The following SNCG variants were observed in gnomAD, a reference collection of about 807,000 sequenced individuals.
SNCG encodes the protein synuclein gamma.
A neutral mutation model predicts 16.0 loss-of-function variants in SNCG; 13 were observed. That is an observed-to-expected ratio of 0.81 (90% CI 0.53 to 1.29). SNCG has a LOEUF of 1.29. Ranked by LOEUF, SNCG falls within the 50% of genes most tolerant of loss-of-function variation. The pLI is 0.00. For missense variants in SNCG, 154 were observed against 168.5 expected, an observed-to-expected ratio of 0.91 and a Z score of 0.48; for synonymous variants, 66 against 66.3, an observed-to-expected ratio of 1.00 and a Z score of 0.02.
At position 86,958,886 on chromosome 10, in the gene SNCG, G is replaced by C; in HGVS notation, c.121+68G>C. ...GGTGAGTGCCCAGTTACCTTCGCCAGACCTTACTCCCCAGCCCCAGGGAGG... is the reference window on the plus strand; with the variant it reads ...GGTGAGTGCCCAGTTACCTTCGCCACACCTTACTCCCCAGCCCCAGGGAGG... On this transcript the variant is annotated intron_variant, in intron 1 of 4. Transcript: ENST00000372017. 3.6e-5 allele frequency: 55 copies of C among 1,513,466 alleles called. 1 individual carries two copies. Among genetic ancestry groups the C allele is most frequent in the Non-Finnish European group, 4.8e-5 (54 of 1,115,230 alleles). The allele number at this position is 1,513,466 out of a possible 1,614,324, so 93.8% of individuals were successfully genotyped here.
At chr10:86,955,837 C>G (rs75249963), upstream of SNCG, among the ~76,000 whole-genome samples, 1,866 of 152,216 alleles carry the variant, frequency 0.012, 50 homozygotes, top group African/African-American at 0.042. Flanking sequence ...GCTTGGGACA[C>G]CTGGGCATTC....
In SNCG at chr10:86,962,661, G is replaced by A; in HGVS notation, c.349G>A (p.Glu117Lys). ...GGGTGAGGCATCCAAAGAGAAAGAG[G>A]AAGTGGCAGAGGAGGTAGGAGCTGG... ...QEGEASKEKE[E>K]VAEEAQSGGD is the part of the protein sequence containing the mutation. Residue 117 changes from glutamate (E) to lysine (K), a missense_variant, in exon 4 of 5, where the codon GAA becomes AAA. Glu to Lys is a moderately conservative substitution (Grantham distance 56, BLOSUM62 1). Coordinates refer to ENST00000372017, the MANE Select transcript of SNCG (RefSeq NM_003087.3). 2 of 1,612,570 alleles carry A rather than the reference G, an allele frequency of 1.2e-6. No individual in the cohort carries two copies. The highest frequency in any genetic ancestry group is 1.1e-5 in the South Asian group (1 of 90,688).
chr10:86,963,121 T>A lies in SNCG; in HGVS notation c.*136T>A. ...CTGCCCTCGTCTCCCTGGCCACCCT[T>A]GGCCTGTCCACCTGTGCTGCTGCAC... On this transcript the variant is annotated 3_prime_UTR_variant, in exon 5 of 5. Transcript: ENST00000372017. 2.4e-6 allele frequency: 2 copies of A among 847,558 alleles called. No homozygotes were observed. The highest frequency in any genetic ancestry group is 2.0e-5 in the South Asian group (1 of 49,962). 52.5% of individuals were successfully genotyped at this position (847,558 alleles called of 1,614,324 possible). A position where few individuals can be genotyped will look rare whatever the true frequency, so the allele number is the denominator to read the frequency against.
Position 86,963,160 on chromosome 10 carries a change from C to G in SNCG, c.*175C>G. 2.0e-6 allele frequency: 1 copy of G among 506,094 alleles called. No individual in the cohort carries two copies. The highest frequency in any genetic ancestry group is 3.4e-6 in the Non-Finnish European group (1 of 294,712). The allele number at this position is 506,094 out of a possible 1,614,324, so 31.4% of individuals were successfully genotyped here. ...GTGCTGCTGCACCAACCTCACTGCC[C>G]TCCCTCGGCCCCACCCACCCTCTGG... On this transcript the variant is annotated 3_prime_UTR_variant, in exon 5 of 5. Transcript: ENST00000372017.
rs1269348048 is a variant in SNCG, at chr10:86,959,022, C to T, written c.121+204C>T. 6.7e-6 allele frequency among the ~76,000 whole-genome samples: 1 copy of T among 148,452 alleles called. No homozygotes were observed. Among genetic ancestry groups the T allele is most frequent in the Non-Finnish European group, 1.5e-5 (1 of 65,490 alleles). ...GTGTTTGTCTTTGGCCTCCTCGGGG[C>T]CTCTGGGTGTCAGAGACCGCAGACA... On this transcript the variant is annotated intron_variant, in intron 1 of 4. Transcript: ENST00000372017. This position sits in a 1 kb window ranked among gnomAD's most constrained non-coding sequence, Gnocchi z 4.3.
intron 3 of SNCG, among the ~76,000 whole-genome samples, chr10:86,960,615 A>G (rs1844329245): frequency 6.6e-6 from 1 of 152,132 alleles, no homozygotes; most frequent in South Asian, 2.1e-4. Flanking sequence ...GTAAGAAAGC[A>G]GTGCTGCTTC....
At chr10:86,957,298 G>A, upstream of SNCG, 1 of 1,446,924 alleles carries the variant, frequency 6.9e-7, no homozygotes, top group Non-Finnish European at 9.7e-7. Flanking sequence ...ACCCCAGTGA[G>A]GTCTAGAGAG....
At chr10:86,960,528 G>A (rs1844326121) in intron 3 of SNCG, among the ~76,000 whole-genome samples, 1 of 152,120 alleles carries the variant, frequency 6.6e-6, no homozygotes, top group Non-Finnish European at 1.5e-5. Context: ...CCGCCCCCAG[G>A]GCCTAGCCTC....
At chr10:86,956,456 C>A (rs184960395), upstream of SNCG, among the ~76,000 whole-genome samples, 1 of 152,354 alleles carries the variant, frequency 6.6e-6, no homozygotes, top group Admixed American at 6.5e-5. Context: ...CTCCCTAAAT[C>A]CATGTAGATG....
chr10:86,956,466 G>T (rs890980322), upstream of SNCG, among the ~76,000 whole-genome samples: 11 of 152,194 alleles, frequency 7.2e-5, no homozygotes, highest in Non-Finnish European at 1.5e-4. Flanking sequence ...CCATGTAGAT[G>T]CCCTTAGCCA....
rs905287216 is a variant in SNCG, at chr10:86,963,215, A to AT, written c.*240dup. The AT allele has an allele frequency of 1.3e-3, 507 of 399,980 alleles. No individual in the cohort carries two copies. The highest frequency in any genetic ancestry group is 3.5e-3 in the South Asian group (43 of 12,438). 24.8% of individuals were successfully genotyped at this position (399,980 alleles called of 1,614,324 possible). A position where few individuals can be genotyped will look rare whatever the true frequency, so the allele number is the denominator to read the frequency against. ...TCTGACCCCACTTATGCTGCTGTGA[A>AT]TTTTTTTTTTAAATGATTCCAAATA... On this transcript the variant is annotated 3_prime_UTR_variant, in exon 5 of 5. Transcript: ENST00000372017.
Position 86,959,831 on chromosome 10 carries a change from C to A in SNCG, c.163+157C>A. The A allele has an allele frequency of 2.4e-6, 3 of 1,256,010 alleles. No individual in the cohort carries two copies. The highest frequency in any genetic ancestry group is 3.3e-6 in the Non-Finnish European group (3 of 916,270). 77.8% of individuals were successfully genotyped at this position (1,256,010 alleles called of 1,614,324 possible). Reference sequence around the variant, plus strand: ...GACCATGAGGCTAAACTAGGGTGGGCGTCTCCTTACCCCCACCAGCATCAG... The same window carrying A: ...GACCATGAGGCTAAACTAGGGTGGGAGTCTCCTTACCCCCACCAGCATCAG... On this transcript the variant is annotated intron_variant, in intron 2 of 4. Transcript: ENST00000372017. The surrounding 1 kb of genome is among the most constrained non-coding windows in gnomAD (Gnocchi z 4.3).
rs140718617 is a variant in SNCG at position 86,959,070 on chromosome 10, C to T, written c.121+252C>T. 4.1e-3 allele frequency among the ~76,000 whole-genome samples: 629 copies of T among 152,224 alleles called. 9 individuals carry two copies. Among genetic ancestry groups the T allele is most frequent in the South Asian group, 0.039 (186 of 4,822 alleles). On this transcript the variant is annotated intron_variant, in intron 1 of 4. Transcript: ENST00000372017. This position sits in a 1 kb window ranked among gnomAD's most constrained non-coding sequence, Gnocchi z 4.3. ...ACAGGGCTGGCTACCTGTCTGTGCA[C>T]GCACACACACATTCCCAAGCATACC...
chr10:86,957,483 GCCC>G (rs1343543760), upstream of SNCG: 1 of 1,613,032 alleles, frequency 6.2e-7, no homozygotes, highest in Admixed American at 1.7e-5. Flanking sequence ...CTGGGCCCAT[GCCC>G]CCAGCAGCCC....
Position 86,959,668 on chromosome 10 carries a change from A to C in SNCG, c.157A>C (p.Thr53Pro), listed in dbSNP as rs1404502435. ...KTKENVVQSV[T>P]SVAEKTKEQA... Reference sequence around the variant, plus strand: ...CAAGGAGAATGTTGTACAGAGCGTGACCTCAGGTGAGAAGCCCCAGGGCCA... The same window carrying C: ...CAAGGAGAATGTTGTACAGAGCGTGCCCTCAGGTGAGAAGCCCCAGGGCCA... Residue 53 changes from threonine to proline, a missense_variant, in exon 2 of 5, where the codon ACC becomes CCC. By Grantham distance (38) the Thr-to-Pro change is conservative. Coordinates refer to ENST00000372017, the MANE Select transcript of SNCG (RefSeq NM_003087.3). This position sits in a 1 kb window ranked among gnomAD's most constrained non-coding sequence, Gnocchi z 4.3. 1 of 1,610,086 alleles carries C rather than the reference A, an allele frequency of 6.2e-7. No homozygotes were observed. Among genetic ancestry groups the C allele is most frequent in the East Asian group, 2.2e-5 (1 of 44,854 alleles).
chr10:86,962,529 A>C, intron 3 of SNCG, 75 bp from the exon 4 acceptor site: 1 of 1,093,870 alleles, frequency 9.1e-7, no homozygotes. Flanking sequence ...CAGGGTAGAC[A>C]AGGCCCTGGT....
intron 3 of SNCG, 134 bp downstream of exon 3, chr10:86,960,262 A>G (rs931044471): frequency 3.5e-6 from 3 of 849,760 alleles, no homozygotes; most frequent in Non-Finnish European, 5.3e-6. Context: ...TTCAGTACCC[A>G]CTGAGCGCCG....
At chr10:86,957,045 C>T (rs987439358), upstream of SNCG, among the ~76,000 whole-genome samples, 1 of 152,214 alleles carries the variant, frequency 6.6e-6, no homozygotes, top group Admixed American at 6.5e-5. Context: ...TTTGGAAGAA[C>T]AGGAGGCATA....
At chr10:86,957,969 C>T, upstream of SNCG, 1 of 1,024,226 alleles carries the variant, frequency 9.8e-7, no homozygotes, top group Non-Finnish European at 1.2e-6. Flanking sequence ...TTCATGCCTC[C>T]TCAGCACCTT....
Sources: allele counts gnomAD v4.1 joint callset (sites outside exome capture counted in the v4.1 genomes callset), GRCh38; gene constraint gnomAD v4.1.1; non-coding constraint Gnocchi (gnomAD v3.1); transcripts MANE v1.5; gene names NCBI Gene and HGNC (gene_info 2026-07-23, HGNC 2026-07-21).